The following CUBN variants were observed in gnomAD, a reference collection of about 807,000 sequenced individuals.
The protein encoded by CUBN is 460 kDa receptor.
CUBN carries 282 observed loss-of-function variants against 405.3 expected under a neutral mutation model. That is an observed-to-expected ratio of 0.70 (90% CI 0.63 to 0.77). The LOEUF is 0.77. Among genes scored for constraint, CUBN ranks in the 30% least tolerant of loss-of-function variants. CUBN has a pLI of 0.00. For missense variants in CUBN, 4,514 were observed against 4,475.2 expected (o/e 1.01, Z -0.25); for synonymous variants, 1,684 against 1,617.0 (o/e 1.04, Z -0.99).
At chr10:16,851,818 ATTTCCCTCCCTCACTCTGTC>A (rs1839702275) in intron 59 of CUBN, among the ~76,000 whole-genome samples, 1 of 36,010 alleles carries the variant, frequency 2.8e-5, no homozygotes, top group Non-Finnish European at 6.2e-5. Flanking sequence ...CTCCCTCTAT[ATTTCCCTCCCTCACTCTGTC>A]TTTCCCTCCC....
intron 14 of CUBN, among the ~76,000 whole-genome samples, chr10:17,097,450 T>C (rs536899818): frequency 6.6e-5 from 10 of 152,276 alleles, no homozygotes; most frequent in African/African-American, 2.4e-4. Context: ...ATTAACTTTA[T>C]GGTAAATTAT....
chr10:16,847,839 C>T (rs1428222229), intron 60 of CUBN, among the ~76,000 whole-genome samples: 1 of 152,112 alleles, frequency 6.6e-6, no homozygotes, highest in Non-Finnish European at 1.5e-5. Context: ...TGTGTATCTA[C>T]CACAGAGTTC....
chr10:17,078,995 T>C (rs750953254), intron 17 of CUBN, among the ~76,000 whole-genome samples: 1 of 152,108 alleles, frequency 6.6e-6, no homozygotes, highest in Admixed American at 6.6e-5. Context: ...TCTCTACAAG[T>C]TCTCACAACT....
chr10:17,068,514 T>C, intron 20 of CUBN, 91 bp downstream of exon 20: 1 of 1,206,440 alleles, frequency 8.3e-7, no homozygotes, highest in South Asian at 1.3e-5. Flanking sequence ...TTTTTCACAG[T>C]ACAGATGATT....
intron 41 of CUBN, among the ~76,000 whole-genome samples, chr10:16,926,814 T>G (rs1564427908): frequency 1.4e-4 from 2 of 14,472 alleles, no homozygotes; most frequent in Non-Finnish European, 2.9e-4. Context: ...TTTTTTTCTA[T>G]CTATCTATCT....
At chr10:16,894,973 C>G (rs578206515) in intron 54 of CUBN, among the ~76,000 whole-genome samples, 1 of 152,236 alleles carries the variant, frequency 6.6e-6, no homozygotes, top group African/African-American at 2.4e-5. Flanking sequence ...CAGGCACTTC[C>G]CATGGGAAAG....
In CUBN at chr10:16,937,766, T is replaced by C. The variant is rs1842556433; in HGVS notation, c.5752A>G (p.Ile1918Val). The C allele has an allele frequency of 7.4e-6, 12 of 1,614,046 alleles. No homozygotes were observed. The highest frequency in any genetic ancestry group is 1.0e-5 in the Non-Finnish European group (12 of 1,179,968). ...TAAGCTCCAATTAGGCGGGCGTGAATGCTAGGCCCATCATAGATCTGTACA... is the reference window on the plus strand; with the variant it reads ...TAAGCTCCAATTAGGCGGGCGTGAACGCTAGGCCCATCATAGATCTGTACA... ...DKLRIYDGPSIHARLIGAYCG... is the reference protein window; with the variant it reads ...DKLRIYDGPSVHARLIGAYCG... The change falls in exon 39 of 67, where the codon ATT (isoleucine) becomes GTT (valine). Residue 1918 changes from isoleucine (I) to valine (V), a missense_variant. By Grantham distance (29) the Ile-to-Val change is conservative. Transcript: ENST00000377833.
At chr10:16,879,432 A>T (rs1244114853) in intron 56 of CUBN, among the ~76,000 whole-genome samples, 1 of 152,184 alleles carries the variant, frequency 6.6e-6, no homozygotes, top group Non-Finnish European at 1.5e-5. Context: ...CAACACACAA[A>T]ATTTACTTAC....
At chr10:16,979,032 T>C (rs542762957) in intron 31 of CUBN, among the ~76,000 whole-genome samples, 17 of 152,298 alleles carry the variant, frequency 1.1e-4, no homozygotes, top group African/African-American at 3.9e-4. Context: ...ATCACAAGCA[T>C]TCCTATACAC....
chr10:16,942,813 G>A (rs1428031944), intron 36 of CUBN, among the ~76,000 whole-genome samples: 1 of 127,832 alleles, frequency 7.8e-6, no homozygotes, highest in African/African-American at 3.2e-5. Flanking sequence ...GGAAAAGGAA[G>A]GGAAGGGAAG....
At chr10:17,092,621 G>C (rs902754627) in intron 14 of CUBN, among the ~76,000 whole-genome samples, 4 of 152,116 alleles carry the variant, frequency 2.6e-5, no homozygotes, top group African/African-American at 7.2e-5. Flanking sequence ...GCTAATTATA[G>C]TGCATTAGCA....
At chr10:17,045,263 C>T (rs1835103957) in intron 24 of CUBN, 75 bp from the exon 25 acceptor site, 1 of 1,390,504 alleles carries the variant, frequency 7.2e-7, no homozygotes, top group African/African-American at 1.4e-5. Flanking sequence ...CTGCATTAAA[C>T]TGGTGCCATT....
chr10:16,940,215 G>A lies in CUBN; in HGVS notation c.5365C>T (p.Gln1789Ter). ...SFISFQLEDS[Q>*]DCSRDFVEIR... is the part of the protein sequence containing the mutation. The stretch of plus-strand genomic sequence containing the variant: ...TCCACAAAATCTCTGCTGCAGTCCT[G>A]AGAGTCTTCCAACTGGAAAGATCTG... Residue 1789 changes from glutamine (Q) to a stop codon, truncating the protein, a stop_gained, in exon 37 of 67, where the codon CAG (glutamine) becomes TAG (stop). Coordinates refer to ENST00000377833, the MANE Select transcript of CUBN (RefSeq NM_001081.4). LOFTEE classifies it high-confidence loss of function. The A allele has an allele frequency of 1.2e-6, 2 of 1,614,056 alleles. No individual in the cohort carries two copies. The highest frequency in any genetic ancestry group is 8.5e-7 in the Non-Finnish European group (1 of 1,179,922).
intron 6 of CUBN, among the ~76,000 whole-genome samples, chr10:17,118,156 G>A (rs1258461882): frequency 6.6e-6 from 1 of 152,158 alleles, no homozygotes; most frequent in African/African-American, 2.4e-5. Context: ...TAGCTACAGA[G>A]TATACTTCTT....
intron 11 of CUBN, 135 bp from the exon 12 acceptor site, chr10:17,104,740 A>T (rs1210540448): frequency 4.5e-6 from 1 of 222,432 alleles, no homozygotes; most frequent in African/African-American, 2.4e-5. Context: ...TATATAAAAT[A>T]ATATATAATT....
intron 8 of CUBN, 74 bp from the exon 9 acceptor site, chr10:17,111,124 A>G: frequency 6.6e-7 from 1 of 1,525,590 alleles, no homozygotes; most frequent in Admixed American, 1.7e-5. Context: ...GAGTCAAAAC[A>G]TATAAAAACC....
intron 40 of CUBN, among the ~76,000 whole-genome samples, chr10:16,930,194 C>A (rs1189495730): frequency 6.6e-6 from 1 of 152,182 alleles, no homozygotes; most frequent in Admixed American, 6.5e-5. Context: ...TCTAGTCCAA[C>A]CTCTTCAATT....
chr10:16,825,227 G>A (rs1352653684), intron 66 of CUBN, 145 bp from the exon 67 acceptor site: 2 of 635,716 alleles, frequency 3.1e-6, no homozygotes, highest in Non-Finnish European at 5.6e-6. Flanking sequence ...AAGTAACCTT[G>A]CAAAGAATGA....
At chr10:16,885,310 C>A (rs1257571577) in intron 56 of CUBN, among the ~76,000 whole-genome samples, 6 of 152,128 alleles carry the variant, frequency 3.9e-5, no homozygotes, top group Admixed American at 2.0e-4. Flanking sequence ...TGTCACAAGG[C>A]ATTGTTGTAA....
Sources: allele counts gnomAD v4.1 joint callset (sites outside exome capture counted in the v4.1 genomes callset), GRCh38; gene constraint gnomAD v4.1.1; transcripts MANE v1.5; gene names NCBI Gene and HGNC (gene_info 2026-07-23, HGNC 2026-07-21).